ARMH3: variants seen among roughly 807,000 people sequenced by gnomAD.
ARMH3 encodes the protein armadillo like helical domain containing 3.
Under a neutral mutation model 99.1 loss-of-function variants are expected in ARMH3, and 60 were observed. That is an observed-to-expected ratio of 0.61 (90% confidence interval 0.49 to 0.75). ARMH3 has a LOEUF of 0.75. ARMH3 is among the 30% of genes least tolerant of loss of function. ARMH3 has a pLI of 0.00. For missense variants in ARMH3, 679 were observed against 843.1 expected (o/e 0.81, Z 2.41); for synonymous variants, 285 against 292.8 (o/e 0.97, Z 0.27).
At chr10:102,039,783 G>T (rs1267164187) in intron 2 of ARMH3, among the ~76,000 whole-genome samples, 1 of 152,056 alleles carries the variant, frequency 6.6e-6, no homozygotes, top group East Asian at 1.9e-4. Context: ...TGTTTTACCT[G>T]GCTCATGGCA....
intron 2 of ARMH3, among the ~76,000 whole-genome samples, chr10:102,034,822 C>T (rs191392026): frequency 2.0e-5 from 3 of 150,792 alleles, no homozygotes; most frequent in Non-Finnish European, 3.0e-5. Context: ...GCAGGAGAAT[C>T]GCTTGAACCC....
At chr10:102,051,945 G>T (rs572687582) in intron 1 of ARMH3, among the ~76,000 whole-genome samples, 2 of 152,128 alleles carry the variant, frequency 1.3e-5, no homozygotes, top group African/African-American at 4.8e-5. Context: ...TTCCGAAGGG[G>T]GAACCAGCTC....
Position 102,011,721 on chromosome 10 carries a change from A to C in ARMH3, c.831+2T>G. ...AGGAGAAAAAAAAAAAGCAGGACTT[A>C]CCATATTTGTTAAAGCAGAGAAAAA... On this transcript the variant is annotated splice_donor_variant, in intron 11 of 25. Transcript: ENST00000370033. LOFTEE classifies it high-confidence loss of function. 1 of 1,599,338 alleles carries C rather than the reference A, an allele frequency of 6.3e-7. No homozygotes were observed. The highest frequency in any genetic ancestry group is 8.5e-7 in the Non-Finnish European group (1 of 1,173,952).
At chr10:101,907,914 G>GCCGCA (rs1322946451) in intron 23 of ARMH3, among the ~76,000 whole-genome samples, 1 of 152,114 alleles carries the variant, frequency 6.6e-6, no homozygotes, top group African/African-American at 2.4e-5. Context: ...CAGCTCCCAT[G>GCCGCA]CCGCACTTCA....
At chr10:101,872,222 AGTGT>A (rs139187179) in intron 24 of ARMH3, among the ~76,000 whole-genome samples, 47 of 150,142 alleles carry the variant, frequency 3.1e-4, no homozygotes, top group Non-Finnish European at 6.1e-4. Context: ...ATATTTAGAG[AGTGT>A]GTGTGTGTGT....
Position 102,023,765 on chromosome 10 carries a change from G to A in ARMH3, c.508-16C>T. Reference sequence around the variant, plus strand: ...TATCTGTCACCTGAATGTAATAAAAGGCTTTTTAAAGTCTGTTCTGAGGTA... The same window carrying A: ...TATCTGTCACCTGAATGTAATAAAAAGCTTTTTAAAGTCTGTTCTGAGGTA... On this transcript the variant is annotated splice_polypyrimidine_tract_variant and intron_variant, in intron 6 of 25. Transcript: ENST00000370033. 6.2e-7 allele frequency: 1 copy of A among 1,611,166 alleles called. No individual in the cohort carries two copies. The highest frequency in any genetic ancestry group is 8.5e-7 in the Non-Finnish European group (1 of 1,177,472).
intron 20 of ARMH3, among the ~76,000 whole-genome samples, chr10:101,958,185 T>C: frequency 6.6e-6 from 1 of 152,212 alleles, no homozygotes; most frequent in Non-Finnish European, 1.5e-5. Context: ...AATGTATCCA[T>C]TCTAACTGGT....
chr10:102,009,323 C>A, intron 13 of ARMH3, 51 bp downstream of exon 13: 1 of 1,493,806 alleles, frequency 6.7e-7, no homozygotes, highest in East Asian at 2.3e-5. Context: ...TGGAATTAAT[C>A]GGTATGAAAT....
rs986359056 is a variant in ARMH3 at position 101,992,620 on chromosome 10, T to C, written c.1276-582A>G. 2.6e-5 allele frequency among the ~76,000 whole-genome samples: 4 copies of C among 151,914 alleles called. 1 individual carries two copies. Among genetic ancestry groups the C allele is most frequent in the Non-Finnish European group, 5.9e-5 (4 of 67,978 alleles). ...GCGCCATTCTCCTGACTCAGCCTCT[T>C]GAGTAGCTGGGACTACAGGTGCCTG... On this transcript the variant is annotated intron_variant, in intron 17 of 25. Coordinates refer to ENST00000370033, the MANE Select transcript of ARMH3 (RefSeq NM_024541.3).
intron 23 of ARMH3, among the ~76,000 whole-genome samples, chr10:101,926,615 A>C (rs1322022960): frequency 5.3e-5 from 8 of 152,184 alleles, no homozygotes; most frequent in Non-Finnish European, 1.0e-4. Context: ...CTAGATATAG[A>C]ATGGAAAAGA....
chr10:102,041,021 G>C (rs781777786), intron 1 of ARMH3, among the ~76,000 whole-genome samples: 1 of 149,142 alleles, frequency 6.7e-6, no homozygotes, highest in Non-Finnish European at 1.5e-5. Flanking sequence ...AAAAAAATCC[G>C]ATTTAAAATA....
chr10:101,856,430 TGAAA>T (rs1467459597), intron 24 of ARMH3, among the ~76,000 whole-genome samples: 1 of 152,168 alleles, frequency 6.6e-6, no homozygotes. Context: ...GGCGGGGTGC[TGAAA>T]GATTCAATAA....
intron 1 of ARMH3, among the ~76,000 whole-genome samples, chr10:102,049,229 C>G (rs1258961639): frequency 6.6e-6 from 1 of 152,144 alleles, no homozygotes; most frequent in African/African-American, 2.4e-5. Flanking sequence ...CTAGTTCACT[C>G]CAAGGATTCT....
chr10:102,042,605 A>G (rs1263589290), intron 1 of ARMH3, among the ~76,000 whole-genome samples: 1 of 152,198 alleles, frequency 6.6e-6, no homozygotes, highest in Non-Finnish European at 1.5e-5. Context: ...GGCAACTGAA[A>G]TTTACCACCC....
chr10:101,963,315 TG>T (rs1845388083), intron 20 of ARMH3, among the ~76,000 whole-genome samples: 2 of 151,628 alleles, frequency 1.3e-5, no homozygotes, highest in Admixed American at 1.3e-4. Context: ...CCTAATTTTT[TG>T]TATTTTTTAT....
intron 23 of ARMH3, among the ~76,000 whole-genome samples, chr10:101,932,750 G>A (rs1390385566): frequency 6.6e-6 from 1 of 152,194 alleles, no homozygotes; most frequent in Non-Finnish European, 1.5e-5. Flanking sequence ...ATAGCCAGAG[G>A]CTGGGAGAAA....
chr10:102,013,546 A>G (rs1268223427), intron 9 of ARMH3, among the ~76,000 whole-genome samples: 1 of 152,240 alleles, frequency 6.6e-6, no homozygotes, highest in African/African-American at 2.4e-5. Flanking sequence ...TTTCAAGGAT[A>G]CATATAGTAG....
intron 15 of ARMH3, among the ~76,000 whole-genome samples, chr10:101,995,807 G>A (rs912436205): frequency 1.3e-5 from 2 of 152,164 alleles, no homozygotes; most frequent in African/African-American, 4.8e-5. Context: ...AAATCAAAAA[G>A]AAATTAACTG....
chr10:101,980,387 C>T (rs1440672618), intron 19 of ARMH3, among the ~76,000 whole-genome samples: 1 of 152,068 alleles, frequency 6.6e-6, no homozygotes, highest in Non-Finnish European at 1.5e-5. Context: ...CAACCTCTGC[C>T]TCCTGGGTTC....
Sources: allele counts gnomAD v4.1 joint callset (sites outside exome capture counted in the v4.1 genomes callset), GRCh38; gene constraint gnomAD v4.1.1; transcripts MANE v1.5; gene names NCBI Gene and HGNC (gene_info 2026-07-23, HGNC 2026-07-21).